ULK4: variants seen among roughly 807,000 people sequenced by gnomAD.
The protein encoded by ULK4 is unc-51 like kinase 4.
A neutral mutation model predicts 160.6 loss-of-function variants in ULK4; 133 were observed. The ratio of observed to expected loss-of-function variants is 0.83; its 90% CI spans 0.72 to 0.96. The LOEUF (loss-of-function observed/expected upper bound fraction) is 0.96, where lower values mean the gene tolerates loss of function less well. ULK4 is among the 40% of genes least tolerant of loss of function. The probability of loss-of-function intolerance (pLI) is 0.00; values close to 1 mark genes in which losing one functional copy is unlikely to be tolerated. For synonymous variants in ULK4, 534 were observed against 539.8 expected (o/e 0.99, Z 0.15); for missense variants, 1,580 against 1,499.5 (o/e 1.05, Z -0.89).
intron 34 of ULK4, among the ~76,000 whole-genome samples, chr3:41,420,468 G>GTTTTTTTTTTT (rs1559588075): frequency 1.1e-5 from 1 of 90,046 alleles, no homozygotes; most frequent in African/African-American, 4.6e-5. Flanking sequence ...CAGTTTTCCA[G>GTTTTTTTTTTT]TTCTTTCTTT....
At chr3:41,700,327 C>T (rs568785184) in intron 27 of ULK4, among the ~76,000 whole-genome samples, 2 of 152,222 alleles carry the variant, frequency 1.3e-5, no homozygotes, top group South Asian at 2.1e-4. Flanking sequence ...CCCTGCACTC[C>T]CATCCTCCTA....
At chr3:41,678,061 C>T (rs571733262) in intron 29 of ULK4, among the ~76,000 whole-genome samples, 2 of 152,078 alleles carry the variant, frequency 1.3e-5, no homozygotes, top group African/African-American at 4.8e-5. Context: ...AGCTTTCAGA[C>T]AGCAACTACA....
At chr3:41,459,095 A>G (rs2083622550) in intron 33 of ULK4, among the ~76,000 whole-genome samples, 1 of 152,054 alleles carries the variant, frequency 6.6e-6, no homozygotes, top group Non-Finnish European at 1.5e-5. Context: ...TCTGTCACCC[A>G]GGCTGGAGTG....
At chr3:41,533,395 A>C (rs1029818578) in intron 32 of ULK4, among the ~76,000 whole-genome samples, 2 of 152,148 alleles carry the variant, frequency 1.3e-5, no homozygotes, top group African/African-American at 2.4e-5. Context: ...AGCAGCCTCA[A>C]TCTCAAATTA....
chr3:41,835,214 C>A (rs2041718701), intron 18 of ULK4, among the ~76,000 whole-genome samples: 1 of 152,064 alleles, frequency 6.6e-6, no homozygotes, highest in Non-Finnish European at 1.5e-5. Flanking sequence ...TGTCTCAAAA[C>A]AAACAAAGAA....
intron 36 of ULK4, among the ~76,000 whole-genome samples, chr3:41,248,416 T>G (rs1028355941): frequency 6.6e-6 from 1 of 152,146 alleles, no homozygotes; most frequent in Admixed American, 6.5e-5. Context: ...CTCCTGCCCC[T>G]CACCTCACAG....
Position 41,843,772 on chromosome 3 carries a change from G to A in ULK4, c.1657-7801C>T, listed in dbSNP as rs555264923. 6.9e-3 allele frequency among the ~76,000 whole-genome samples: 1,046 copies of A among 152,194 alleles called. 9 individuals carry two copies. The highest frequency in any genetic ancestry group is 0.024 in the African/African-American group (1,008 of 41,516). On this transcript the variant is annotated intron_variant, in intron 17 of 36. Coordinates refer to ENST00000301831, the MANE Select transcript of ULK4 (RefSeq NM_017886.4). ...CCGAGTGGGTTGCCACTGCTGGCTC[G>A]GGCAGCCTGCTTTTATTCTCTTATC...
At chr3:41,560,645 T>C (rs572508787) in intron 32 of ULK4, among the ~76,000 whole-genome samples, 118 of 152,152 alleles carry the variant, frequency 7.8e-4, no homozygotes, top group Non-Finnish European at 1.6e-3. Flanking sequence ...GGAGTTCACT[T>C]ATGATTTGGT....
At chr3:41,314,759 G>A (rs952454844) in intron 35 of ULK4, among the ~76,000 whole-genome samples, 1 of 152,098 alleles carries the variant, frequency 6.6e-6, no homozygotes, top group East Asian at 1.9e-4. Flanking sequence ...TGGTCTATAA[G>A]TGTAATTGTT....
At chr3:41,432,012 C>G (rs368062560) in intron 34 of ULK4, among the ~76,000 whole-genome samples, 2 of 151,964 alleles carry the variant, frequency 1.3e-5, no homozygotes, top group African/African-American at 4.8e-5. Context: ...AGGCTGATCT[C>G]GATCTCCTGA....
chr3:41,785,619 C>G lies in ULK4; in HGVS notation c.2193+4042G>C, dbSNP rs564958303. Among the ~76,000 whole-genome samples the G allele has an allele frequency of 3.2e-4, 49 of 152,320 alleles. No individual in the cohort carries two copies. In the South Asian group the frequency reaches 9.7e-3, roughly 30 times the overall value. On this transcript the variant is annotated intron_variant, in intron 21 of 36. Coordinates refer to ENST00000301831, the MANE Select transcript of ULK4 (RefSeq NM_017886.4). ...CGTAGAATTCCTTCTCCCTGTTCAA[C>G]AGGAAGCAATTTTGTATTTGCTCCT... is the stretch of plus-strand genomic sequence containing the variant.
At chr3:41,792,334 T>C (rs971839239) in intron 20 of ULK4, among the ~76,000 whole-genome samples, 1 of 152,126 alleles carries the variant, frequency 6.6e-6, no homozygotes, top group African/African-American at 2.4e-5. Context: ...ATTGTGAAAG[T>C]TTTAAAAATG....
intron 35 of ULK4, among the ~76,000 whole-genome samples, chr3:41,297,000 T>A (rs2079681999): frequency 6.6e-6 from 1 of 152,120 alleles, no homozygotes; most frequent in African/African-American, 2.4e-5. Context: ...TCCCACATGT[T>A]TTCCTGTGCA....
At chr3:41,855,976 T>C (rs1317855407) in intron 17 of ULK4, among the ~76,000 whole-genome samples, 1 of 152,128 alleles carries the variant, frequency 6.6e-6, no homozygotes, top group African/African-American at 2.4e-5. Context: ...AAGCTAAAAA[T>C]TGTTCTATGA....
intron 22 of ULK4, among the ~76,000 whole-genome samples, chr3:41,730,177 T>C (rs1665220463): frequency 6.6e-6 from 1 of 152,026 alleles, no homozygotes; most frequent in Admixed American, 6.6e-5. Flanking sequence ...TAGCAATAAA[T>C]GCCCGCATCA....
At chr3:41,334,958 C>T (rs1298875432) in intron 35 of ULK4, among the ~76,000 whole-genome samples, 1 of 152,038 alleles carries the variant, frequency 6.6e-6, no homozygotes, top group Admixed American at 6.6e-5. Context: ...AATGGTGGCC[C>T]ATTTACCAGG....
At chr3:41,905,989 G>A (rs1390768361) in intron 12 of ULK4, among the ~76,000 whole-genome samples, 11 of 151,960 alleles carry the variant, frequency 7.2e-5, no homozygotes, top group South Asian at 2.1e-4. Flanking sequence ...AGTCCGAGGC[G>A]GGCGGATCAT....
chr3:41,866,097 AAC>A (rs1206136778), intron 17 of ULK4, among the ~76,000 whole-genome samples: 2 of 152,252 alleles, frequency 1.3e-5, no homozygotes, highest in Non-Finnish European at 2.9e-5. Context: ...ATAGGGAGAT[AAC>A]AGTCAAAACT....
intron 30 of ULK4, among the ~76,000 whole-genome samples, chr3:41,639,554 C>A (rs1410692309): frequency 6.6e-6 from 1 of 152,044 alleles, no homozygotes; most frequent in Non-Finnish European, 1.5e-5. Context: ...ATGGTGAAAC[C>A]CCATCTCTAC....
Sources: gnomAD v4.1 joint callset for allele counts (sites outside exome capture counted in the v4.1 genomes callset) on GRCh38, gnomAD v4.1.1 for gene constraint, MANE v1.5 for transcripts, NCBI Gene and HGNC (gene_info 2026-07-23, HGNC 2026-07-21) for gene names.